The following MCPH1 variants were observed in gnomAD, a reference collection of about 807,000 sequenced individuals.
The protein encoded by MCPH1 is microcephalin.
Under a neutral mutation model 84.5 loss-of-function variants are expected in MCPH1, and 104 were observed. The observed-to-expected ratio is 1.23, with a 90% CI of 1.05 to 1.45. MCPH1 has a LOEUF of 1.45. MCPH1 is among the 40% of genes most tolerant of loss of function. MCPH1 has a pLI of 0.00. For synonymous variants in MCPH1, 514 were observed against 366.8 expected (o/e 1.40, Z -4.58); for missense variants, 1,498 against 1,005.7 (o/e 1.49, Z -6.62).
At chr8:6,408,507 C>A (rs1798063868) in intron 1 of MCPH1, among the ~76,000 whole-genome samples, 2 of 151,908 alleles carry the variant, frequency 1.3e-5, no homozygotes, top group Admixed American at 1.3e-4. Flanking sequence ...CAGGCATGAG[C>A]TACTTTGTTC....
At chr8:6,410,413 C>G (rs1195677944) in intron 2 of MCPH1, among the ~76,000 whole-genome samples, 6 of 152,170 alleles carry the variant, frequency 3.9e-5, no homozygotes, top group Admixed American at 1.3e-4. Flanking sequence ...CATTGCTGAA[C>G]TTAGTGCAGT....
intron 12 of MCPH1, among the ~76,000 whole-genome samples, chr8:6,601,117 C>T (rs1370930905): frequency 1.3e-5 from 2 of 152,092 alleles, no homozygotes; most frequent in Non-Finnish European, 2.9e-5. Flanking sequence ...CCTAGGCCTC[C>T]CTGCAGCCAC....
At chr8:6,633,413 T>C (rs931957564) in intron 13 of MCPH1, among the ~76,000 whole-genome samples, 1 of 152,226 alleles carries the variant, frequency 6.6e-6, no homozygotes, top group African/African-American at 2.4e-5. Flanking sequence ...ACAGAAAACA[T>C]AGTAAATAAT....
Position 6,519,605 on chromosome 8 carries a change from A to G in MCPH1, c.2214+19676A>G, listed in dbSNP as rs145179556. The stretch of plus-strand genomic sequence containing the variant: ...AGTATGCATTATTCAAGCAAAATGC[A>G]AGGAGAATGTATTTCTTGCCGAAGA... On this transcript the variant is annotated intron_variant, in intron 12 of 13. Transcript: ENST00000344683. Among the ~76,000 whole-genome samples the G allele has an allele frequency of 1.6e-4, 24 of 152,336 alleles. No individual in the cohort carries two copies. The East Asian group carries it at 4.2e-3, about 27-fold the overall frequency.
At chr8:6,633,766 G>A (rs1398365675) in intron 13 of MCPH1, among the ~76,000 whole-genome samples, 1 of 152,086 alleles carries the variant, frequency 6.6e-6, no homozygotes, top group African/African-American at 2.4e-5. Flanking sequence ...CCTCACGTGG[G>A]GCCGAGAACT....
intron 2 of MCPH1, among the ~76,000 whole-genome samples, chr8:6,413,886 C>T (rs940077113): frequency 6.6e-6 from 1 of 151,990 alleles, no homozygotes; most frequent in Non-Finnish European, 1.5e-5. Context: ...TCCCGAGTTG[C>T]TGAGACTACA....
intron 4 of MCPH1, 94 bp downstream of exon 4, chr8:6,431,680 C>T: frequency 4.8e-6 from 4 of 832,214 alleles, no homozygotes; most frequent in Non-Finnish European, 7.8e-6. Context: ...GAAATATATT[C>T]AAGAGTTGTC....
At chr8:6,619,655 G>C (rs886952042) in intron 12 of MCPH1, among the ~76,000 whole-genome samples, 2 of 151,680 alleles carry the variant, frequency 1.3e-5, no homozygotes, top group African/African-American at 4.9e-5. Context: ...CACAATCTCA[G>C]CTCACTGCAA....
At chr8:6,613,004 G>A (rs1830420134) in intron 12 of MCPH1, among the ~76,000 whole-genome samples, 1 of 152,266 alleles carries the variant, frequency 6.6e-6, no homozygotes, top group Non-Finnish European at 1.5e-5. Flanking sequence ...AAACGGGACA[G>A]AAGGAAGACC....
chr8:6,481,907 A>G (rs955405128), intron 11 of MCPH1, among the ~76,000 whole-genome samples: 2 of 152,214 alleles, frequency 1.3e-5, no homozygotes, highest in African/African-American at 4.8e-5. Flanking sequence ...TGAAAATATT[A>G]AATGGGAAAT....
At chr8:6,478,642 C>T (rs974225511) in intron 10 of MCPH1, among the ~76,000 whole-genome samples, 1 of 152,176 alleles carries the variant, frequency 6.6e-6, no homozygotes, top group African/African-American at 2.4e-5. Flanking sequence ...CTTGCAGAGA[C>T]ACTTGTTACT....
At chr8:6,632,435 G>A (rs1230673033) in intron 13 of MCPH1, among the ~76,000 whole-genome samples, 1 of 152,000 alleles carries the variant, frequency 6.6e-6, no homozygotes, top group Non-Finnish European at 1.5e-5. Flanking sequence ...GAAAAAAAAA[G>A]AAATCTATTC....
intron 13 of MCPH1, chr8:6,626,079 C>T: frequency 5.1e-6 from 5 of 985,404 alleles, no homozygotes; most frequent in Non-Finnish European, 6.0e-6. Context: ...GTCTGCCTCT[C>T]AAGACCAACA....
intron 12 of MCPH1, chr8:6,508,925 T>C: frequency 6.2e-7 from 1 of 1,614,124 alleles, no homozygotes; most frequent in Non-Finnish European, 8.5e-7. Flanking sequence ...CAGAAAGTCA[T>C]CCCTACCTCC....
At chr8:6,637,851 G>T (rs903162511) in intron 13 of MCPH1, among the ~76,000 whole-genome samples, 1 of 152,110 alleles carries the variant, frequency 6.6e-6, no homozygotes, top group African/African-American at 2.4e-5. Context: ...GACCAGGGAC[G>T]TATCGATGGA....
In MCPH1 at chr8:6,572,422, A is replaced by G. The variant is rs181968324; in HGVS notation, c.2215-49032A>G. On this transcript the variant is annotated intron_variant, in intron 12 of 13. Transcript: ENST00000344683. ...CACTAGCTCCCTCTGCTGATCTCCT[A>G]TCAAGCGACAGGCAAATCTATCCAT... 3.9e-5 allele frequency among the ~76,000 whole-genome samples: 6 copies of G among 152,304 alleles called. No homozygotes were observed. In the East Asian group the frequency reaches 7.7e-4, roughly 20 times the overall value.
intron 13 of MCPH1, among the ~76,000 whole-genome samples, chr8:6,631,694 G>A (rs1023813304): frequency 2.6e-5 from 4 of 151,354 alleles, no homozygotes; most frequent in African/African-American, 9.7e-5. Context: ...GTGTTAGTAA[G>A]GATGTGGAAA....
chr8:6,584,548 A>G (rs1827823204), intron 12 of MCPH1, among the ~76,000 whole-genome samples: 1 of 152,170 alleles, frequency 6.6e-6, no homozygotes, highest in African/African-American at 2.4e-5. Flanking sequence ...CCAGAACACA[A>G]TTCATTCCAG....
In MCPH1 at chr8:6,445,505, T is replaced by C. The variant is rs1804209851; in HGVS notation, c.1783T>C (p.Ser595Pro). 2 of 1,609,956 alleles carry C rather than the reference T, an allele frequency of 1.2e-6. No homozygotes were observed. The highest frequency in any genetic ancestry group is 2.7e-5 in the African/African-American group (2 of 74,696). Residue 595 changes from serine (S) to proline (P), a missense_variant, in exon 8 of 14, where the codon TCT (serine) becomes CCT (proline). Physicochemically the swap from Ser to Pro is moderately conservative, Grantham distance 74. Coordinates refer to ENST00000344683, the MANE Select transcript of MCPH1 (RefSeq NM_024596.5). ...CFIVDCNMET[S>P]TEEKENLPGG... ...TATAGTTGACTGTAACATGGAGACG[T>C]CTACAGAAGAGAAGGAAAACTTACC...
Sources: allele counts gnomAD v4.1 joint callset (sites outside exome capture counted in the v4.1 genomes callset), GRCh38; gene constraint gnomAD v4.1.1; transcripts MANE v1.5; gene names NCBI Gene and HGNC (gene_info 2026-07-23, HGNC 2026-07-21).